Variants in ZMYM4 observed in about 807,000 individuals in gnomAD.
ZMYM4 encodes the protein zinc finger MYM-type containing 4, also known as zinc finger MYM-type protein 4.
In ZMYM4, 31 loss-of-function variants were observed where a neutral mutation model predicts 183.2. That is an observed-to-expected ratio of 0.17 (90% CI 0.13 to 0.23). The LOEUF (loss-of-function observed/expected upper bound fraction) is 0.23. ZMYM4 is among the 10% of genes least tolerant of loss of function. The pLI is 1.00. For missense variants in ZMYM4, 1,273 were observed against 1,840.3 expected, an observed-to-expected ratio of 0.69 and a Z score of 5.64; for synonymous variants, 592 against 631.2, an observed-to-expected ratio of 0.94 and a Z score of 0.93.
intron 5 of ZMYM4, 135 bp from the exon 6 acceptor site, chr1:35,369,894 A>T: frequency 1.9e-6 from 1 of 528,802 alleles, no homozygotes; most frequent in Non-Finnish European, 3.2e-6. Flanking sequence ...GCTGTTTTGT[A>T]CTTTATTATT....
chr1:35,398,433 G>T lies in ZMYM4; in HGVS notation c.3220G>T (p.Glu1074Ter). ...SQGESQTSEH[E>*]LFLDTKIFEK... ...TTTAGAGTCCCAAACTTCTGAACAC[G>T]AACTCTTTCTAGACACCAAGATATT... Residue 1074 changes from glutamate (E) to a stop codon, truncating the protein, a stop_gained, in exon 21 of 30, where the codon GAA becomes TAA. Coordinates refer to ENST00000314607, the MANE Select transcript of ZMYM4 (RefSeq NM_005095.3). LOFTEE classifies it high-confidence loss of function. The T allele has an allele frequency of 6.2e-7, 1 of 1,609,862 alleles. No homozygotes were observed.
chr1:35,386,849 C>G (rs893002669), intron 11 of ZMYM4, among the ~76,000 whole-genome samples, 154 bp from the exon 12 acceptor site: 1 of 152,104 alleles, frequency 6.6e-6, no homozygotes, highest in African/African-American at 2.4e-5. Context: ...TGAGACTCCC[C>G]CCATTCCGTA....
intron 29 of ZMYM4, among the ~76,000 whole-genome samples, chr1:35,419,083 T>C (rs1362938940): frequency 6.6e-6 from 1 of 152,200 alleles, no homozygotes; most frequent in Non-Finnish European, 1.5e-5. Context: ...ACTTCCAATA[T>C]GTGGTGCTTG....
At position 35,331,833 on chromosome 1, in the gene ZMYM4, A is replaced by AATAAATAG. The variant is rs1553168606; in HGVS notation, c.85+6433_85+6434insTAGATAAA. On this transcript the variant is annotated intron_variant, in intron 2 of 29. Transcript: ENST00000314607. Reference sequence around the variant, plus strand: ...AAATAAATAAATAAATAAATAAATAAATAAAATTGTGGTATCAAGGAAACT... The same window carrying AATAAATAG: ...AAATAAATAAATAAATAAATAAATAAATAAATAGATAAAATTGTGGTATCAAGGAAACT... Among the ~76,000 whole-genome samples the AATAAATAG allele has an allele frequency of 6.7e-5, 10 of 149,576 alleles. No individual in the cohort carries two copies. The South Asian group carries it at 1.7e-3, about 25-fold the overall frequency.
intron 2 of ZMYM4, among the ~76,000 whole-genome samples, chr1:35,352,344 A>G (rs1369999537): frequency 2.7e-5 from 4 of 149,890 alleles, no homozygotes; most frequent in Admixed American, 6.7e-5. Context: ...AGACTGGGCA[A>G]CAGAGCAAGA....
chr1:35,365,381 A>T (rs939754128), intron 5 of ZMYM4, among the ~76,000 whole-genome samples: 1 of 151,456 alleles, frequency 6.6e-6, no homozygotes, highest in South Asian at 2.1e-4. Context: ...TGCCTTTTCC[A>T]TAGGGTCTAA....
At position 35,422,027 on chromosome 1, in the gene ZMYM4, A is replaced by G. The variant is rs189112020; in HGVS notation, c.*2350A>G. ...ACCTTATTGGTATGACCCAGCAATT[A>G]GTAAAATTACAAAGAAAGAGAGCAG... On this transcript the variant is annotated 3_prime_UTR_variant, in exon 30 of 30. Transcript: ENST00000314607. 3 of 152,230 alleles carry G rather than the reference A, an allele frequency of 2.0e-5. No homozygotes were observed. The highest frequency in any genetic ancestry group is 1.5e-5 in the Non-Finnish European group (1 of 68,028). 9.4% of individuals were successfully genotyped at this position (152,230 alleles called of 1,614,324 possible).
At chr1:35,308,971 A>T (rs1236384949) in intron 1 of ZMYM4, 1 of 985,284 alleles carries the variant, frequency 1.0e-6, no homozygotes, top group Non-Finnish European at 1.2e-6. Context: ...TAGAGCAGAC[A>T]GCCTTGTTTG....
At chr1:35,318,524 C>T (rs904813864) in intron 1 of ZMYM4, among the ~76,000 whole-genome samples, 4 of 152,168 alleles carry the variant, frequency 2.6e-5, no homozygotes, top group African/African-American at 9.7e-5. Context: ...GTGGCATAAT[C>T]TCGGCTCACT....
intron 1 of ZMYM4, among the ~76,000 whole-genome samples, chr1:35,321,966 A>G (rs1186034818): frequency 6.6e-6 from 1 of 152,064 alleles, no homozygotes; most frequent in Non-Finnish European, 1.5e-5. Flanking sequence ...TTAAAAAAAA[A>G]AAAGCAGGAG....
At chr1:35,337,043 A>C (rs1328904057) in intron 2 of ZMYM4, among the ~76,000 whole-genome samples, 1 of 152,190 alleles carries the variant, frequency 6.6e-6, no homozygotes, top group South Asian at 2.1e-4. Context: ...CTCTCCAGCC[A>C]TGCTGAACTT....
intron 7 of ZMYM4, among the ~76,000 whole-genome samples, chr1:35,379,660 C>A (rs1644409993): frequency 6.6e-6 from 1 of 152,256 alleles, no homozygotes; most frequent in East Asian, 1.9e-4. Flanking sequence ...TTTCCACATG[C>A]CTTCCTCACT....
At chr1:35,299,541 A>C (rs1452325063) in intron 1 of ZMYM4, among the ~76,000 whole-genome samples, 1 of 152,206 alleles carries the variant, frequency 6.6e-6, no homozygotes, top group East Asian at 1.9e-4. Flanking sequence ...TGAGAGGCTG[A>C]AGTTAAGTTA....
intron 2 of ZMYM4, among the ~76,000 whole-genome samples, chr1:35,338,409 G>A (rs114025928): frequency 0.012 from 1,786 of 152,284 alleles, 46 homozygotes; most frequent in African/African-American, 0.041. Context: ...TGCAGTATGT[G>A]AGGGATGTGA....
intron 5 of ZMYM4, among the ~76,000 whole-genome samples, chr1:35,364,604 A>G (rs1644024122): frequency 6.6e-6 from 1 of 152,206 alleles, no homozygotes; most frequent in South Asian, 2.1e-4. Context: ...TATTAGTCTC[A>G]AAAAAGTACT....
chr1:35,320,368 G>A (rs1570345688), intron 1 of ZMYM4, among the ~76,000 whole-genome samples: 1 of 152,164 alleles, frequency 6.6e-6, no homozygotes, highest in East Asian at 1.9e-4. Context: ...CAGAGGTGCT[G>A]GAAAGGTGGC....
At chr1:35,407,966 T>A in intron 25 of ZMYM4, 42 bp from the exon 26 acceptor site, 2 of 1,612,364 alleles carry the variant, frequency 1.2e-6, no homozygotes, top group Non-Finnish European at 8.5e-7. Context: ...CTACTATGTT[T>A]GTTAAAAGTT....
chr1:35,297,349 C>G (rs1641070112), intron 1 of ZMYM4, among the ~76,000 whole-genome samples: 1 of 151,820 alleles, frequency 6.6e-6, no homozygotes, highest in Admixed American at 6.6e-5. Context: ...AAAAATGAGC[C>G]AGGCATTTTG....
intron 1 of ZMYM4, among the ~76,000 whole-genome samples, chr1:35,280,294 T>C (rs1304479832): frequency 6.6e-5 from 10 of 151,466 alleles, no homozygotes; most frequent in South Asian, 2.1e-4. Flanking sequence ...CTCTCTCTCT[T>C]CTTTCTTTGT....
Sources: allele counts gnomAD v4.1 joint callset (sites outside exome capture counted in the v4.1 genomes callset), GRCh38; gene constraint gnomAD v4.1.1; transcripts MANE v1.5; gene names NCBI Gene and HGNC (gene_info 2026-07-23, HGNC 2026-07-21).